Variants in PCGF5 observed in about 807,000 individuals in gnomAD.
The protein encoded by PCGF5 is polycomb group ring finger 5.
PCGF5 carries 9 observed loss-of-function variants against 44.3 expected under a neutral mutation model. The ratio of observed to expected loss-of-function variants is 0.20; its 90% CI spans 0.12 to 0.35. The LOEUF (loss-of-function observed/expected upper bound fraction) is 0.35, where lower values mean the gene tolerates loss of function less well. PCGF5 is among the 10% of genes least tolerant of loss of function. PCGF5 has a pLI of 1.00. For missense variants in PCGF5, 146 were observed against 305.3 expected (o/e 0.48, Z 3.89); for synonymous variants, 95 against 102.5 (o/e 0.93, Z 0.44).
chr10:91,186,079 G>A (rs1245346675), intron 1 of PCGF5, among the ~76,000 whole-genome samples: 1 of 152,206 alleles, frequency 6.6e-6, no homozygotes, highest in Non-Finnish European at 1.5e-5. Flanking sequence ...TTAAATTGAT[G>A]ACATCTTGAA....
At chr10:91,167,815 T>C (rs1843526001) in intron 1 of PCGF5, among the ~76,000 whole-genome samples, 1 of 152,210 alleles carries the variant, frequency 6.6e-6, no homozygotes, top group South Asian at 2.1e-4. Flanking sequence ...ATTTAAGCTG[T>C]TGAAATATTC....
At chr10:91,236,971 C>G (rs1350677345) in intron 2 of PCGF5, among the ~76,000 whole-genome samples, 2 of 152,106 alleles carry the variant, frequency 1.3e-5, no homozygotes, top group Non-Finnish European at 2.9e-5. Flanking sequence ...GTAAGACATT[C>G]TTTTTCTATA....
chr10:91,233,532 C>T (rs576798852), intron 2 of PCGF5, among the ~76,000 whole-genome samples: 3 of 152,016 alleles, frequency 2.0e-5, no homozygotes, highest in Admixed American at 6.5e-5. Context: ...CAATATACGG[C>T]ACATTATGTA....
chr10:91,162,928 G>GGCCGGCCCAGCCCCCGCCCCGC (rs1392586632), upstream of PCGF5: 6 of 145,094 alleles, frequency 4.1e-5, no homozygotes, highest in Non-Finnish European at 9.2e-5. Context: ...CCGCCCGCCG[G>GGCCGGCCCAGCCCCCGCCCCGC]GCCGGCCCAG....
intron 6 of PCGF5, among the ~76,000 whole-genome samples, chr10:91,255,125 A>G (rs1053320004): frequency 6.6e-6 from 1 of 152,082 alleles, no homozygotes; most frequent in Non-Finnish European, 1.5e-5. Context: ...GATTGTCAGT[A>G]TTCGACTTGA....
At chr10:91,165,913 C>T (rs1417747268) in intron 1 of PCGF5, among the ~76,000 whole-genome samples, 1 of 152,174 alleles carries the variant, frequency 6.6e-6, no homozygotes, top group African/African-American at 2.4e-5. Context: ...GGACTCAGTA[C>T]TTCTGAAGTT....
chr10:91,185,690 G>A (rs1045401831), intron 1 of PCGF5, among the ~76,000 whole-genome samples: 2 of 152,224 alleles, frequency 1.3e-5, no homozygotes, highest in Non-Finnish European at 2.9e-5. Context: ...ATAGTTCTGT[G>A]TGTCGGACTG....
At chr10:91,234,647 T>C (rs949977651) in intron 2 of PCGF5, among the ~76,000 whole-genome samples, 3 of 152,240 alleles carry the variant, frequency 2.0e-5, no homozygotes, top group Non-Finnish European at 4.4e-5. Flanking sequence ...CTGATTCTCC[T>C]TATCATTTTA....
intron 1 of PCGF5, among the ~76,000 whole-genome samples, chr10:91,181,417 C>T (rs1333218690): frequency 6.6e-6 from 1 of 151,270 alleles, no homozygotes; most frequent in Admixed American, 6.5e-5. Flanking sequence ...CCAGACAGGG[C>T]ATCCTTGTCT....
chr10:91,257,347 T>C (rs1845781288), intron 6 of PCGF5, among the ~76,000 whole-genome samples: 1 of 152,050 alleles, frequency 6.6e-6, no homozygotes. Context: ...ACCTTATACG[T>C]TGCTAGTGGG....
At chr10:91,216,548 G>A (rs1229157415), upstream of PCGF5, among the ~76,000 whole-genome samples, 2 of 152,220 alleles carry the variant, frequency 1.3e-5, no homozygotes, top group Non-Finnish European at 2.9e-5. Context: ...CATTTATATA[G>A]TTAGAAAGAG....
intron 1 of PCGF5, among the ~76,000 whole-genome samples, chr10:91,176,432 TATTTCCTGA>T (rs1463516215): frequency 2.0e-4 from 30 of 152,208 alleles, no homozygotes; most frequent in Non-Finnish European, 7.3e-5. Context: ...GCATTCTCTG[TATTTCCTGA>T]ATTTGAATGT....
At chr10:91,263,376 T>C (rs973161350) in intron 7 of PCGF5, among the ~76,000 whole-genome samples, 2 of 152,146 alleles carry the variant, frequency 1.3e-5, no homozygotes, top group Admixed American at 6.5e-5. Context: ...TGAAAAACAT[T>C]TTGAGGTCCG....
At chr10:91,167,597 T>C (rs886904120) in intron 1 of PCGF5, among the ~76,000 whole-genome samples, 1 of 152,042 alleles carries the variant, frequency 6.6e-6, no homozygotes, top group Non-Finnish European at 1.5e-5. Flanking sequence ...AAACTGGAGG[T>C]TGAGGAGCCT....
intron 1 of PCGF5, among the ~76,000 whole-genome samples, chr10:91,210,155 G>T (rs1484947190): frequency 6.6e-6 from 1 of 152,098 alleles, no homozygotes; most frequent in Non-Finnish European, 1.5e-5. Context: ...AGAGGGATGG[G>T]CCCCCACCTG....
At chr10:91,195,859 T>C (rs1404580012) in intron 1 of PCGF5, among the ~76,000 whole-genome samples, 2 of 151,654 alleles carry the variant, frequency 1.3e-5, no homozygotes, top group African/African-American at 2.4e-5. Flanking sequence ...AGAACAGCAT[T>C]TGTGACTGGT....
In PCGF5 at chr10:91,230,136, G is replaced by GGA. The variant is rs1287594612; in HGVS notation, c.112+7154_112+7155dup. Among the ~76,000 whole-genome samples the GGA allele has an allele frequency of 7.2e-5, 11 of 152,204 alleles. No individual in the cohort carries two copies. The East Asian group carries it at 1.9e-3, about 27-fold the overall frequency. On this transcript the variant is annotated intron_variant, in intron 2 of 9. Coordinates refer to ENST00000336126, the MANE Select transcript of PCGF5 (RefSeq NM_032373.5). ...AAATAGTTGAGCAAAACGTCATAGT[G>GGA]GACACTAAAGCACACAACCAAAGGA...
At chr10:91,175,301 A>C (rs575109309) in intron 1 of PCGF5, among the ~76,000 whole-genome samples, 151 of 152,310 alleles carry the variant, frequency 9.9e-4, no homozygotes, top group African/African-American at 3.5e-3. Context: ...CTGAAAAAGG[A>C]ATTTAATGAA....
At chr10:91,195,022 G>T (rs1173611528) in intron 1 of PCGF5, among the ~76,000 whole-genome samples, 1 of 152,076 alleles carries the variant, frequency 6.6e-6, no homozygotes, top group African/African-American at 2.4e-5. Context: ...GAGTGTGTGT[G>T]AGTTCTCTTC....
Sources: allele counts gnomAD v4.1 joint callset (sites outside exome capture counted in the v4.1 genomes callset), GRCh38; gene constraint gnomAD v4.1.1; transcripts MANE v1.5; gene names NCBI Gene and HGNC (gene_info 2026-07-23, HGNC 2026-07-21).